The following ARHGAP35 variants were observed in gnomAD, a reference collection of about 807,000 sequenced individuals.
The protein encoded by ARHGAP35 is rho GTPase-activating protein 35.
In ARHGAP35, 15 loss-of-function variants were observed where a neutral mutation model predicts 111.1. That is an observed-to-expected ratio of 0.13 (90% confidence interval 0.09 to 0.21). The LOEUF (loss-of-function observed/expected upper bound fraction) is 0.21. ARHGAP35 is among the 10% of genes least tolerant of loss of function. The probability of loss-of-function intolerance (pLI) is 1.00; values close to 1 mark genes in which losing one functional copy is unlikely to be tolerated. For missense variants in ARHGAP35, 1,262 were observed against 1,873.0 expected (o/e 0.67, Z 6.02); for synonymous variants, 643 against 710.3 (o/e 0.91, Z 1.51).
chr19:46,889,181 C>T (rs187502818), intron 1 of ARHGAP35, among the ~76,000 whole-genome samples: 44 of 151,470 alleles, frequency 2.9e-4, no homozygotes, highest in African/African-American at 1.0e-3. Flanking sequence ...ATTAGCCAGG[C>T]ATGGCCAGGC....
chr19:46,965,142 G>A (rs1469906136), intron 3 of ARHGAP35, among the ~76,000 whole-genome samples: 1 of 152,034 alleles, frequency 6.6e-6, no homozygotes, highest in Non-Finnish European at 1.5e-5. Context: ...GTGAAACCCC[G>A]TCTCTACTAA....
chr19:46,911,113 A>G (rs1406985874), intron 1 of ARHGAP35, among the ~76,000 whole-genome samples: 5 of 152,220 alleles, frequency 3.3e-5, no homozygotes, highest in African/African-American at 7.2e-5. Context: ...ACCCTTTTCC[A>G]GTCAATCTGT....
At chr19:46,942,358 G>A (rs2056352312) in intron 3 of ARHGAP35, among the ~76,000 whole-genome samples, 1 of 152,138 alleles carries the variant, frequency 6.6e-6, no homozygotes, top group Non-Finnish European at 1.5e-5. Context: ...AAGAGGCCGG[G>A]TGCAGTGGCT....
At chr19:46,973,888 G>A (rs1036375216) in intron 3 of ARHGAP35, among the ~76,000 whole-genome samples, 1 of 151,708 alleles carries the variant, frequency 6.6e-6, no homozygotes, top group Non-Finnish European at 1.5e-5. Flanking sequence ...TGTATTCCCA[G>A]CTACTCAGGA....
chr19:46,870,828 C>A lies in ARHGAP35; in HGVS notation c.-189+9619C>A, dbSNP rs745889705. On this transcript the variant is annotated intron_variant, in intron 1 of 6. Transcript: ENST00000672722. ...TATATATTTTCTTGTGTGCAAATCC[C>A]CTTTTAAGTTTTTTCTTAAAAAAAA... is the stretch of plus-strand genomic sequence containing the variant. Among the ~76,000 whole-genome samples, 6 of 151,686 alleles carry A rather than the reference C, an allele frequency of 4.0e-5. 1 individual carries two copies. The highest frequency in any genetic ancestry group is 2.6e-4 in the Admixed American group (4 of 15,208).
intron 3 of ARHGAP35, among the ~76,000 whole-genome samples, chr19:46,982,528 AAGC>A (rs1018697235): frequency 2.0e-5 from 3 of 152,096 alleles, no homozygotes; most frequent in African/African-American, 7.2e-5. Context: ...TTCGTATAAA[AAGC>A]AGCAGTTTTC....
In ARHGAP35 at chr19:46,986,768, C is replaced by T. The variant is rs1349244480; in HGVS notation, c.3827-1221C>T. On this transcript the variant is annotated intron_variant, in intron 3 of 6. Transcript: ENST00000672722. This position sits in a 1 kb window ranked among gnomAD's most constrained non-coding sequence, Gnocchi z 4.3. Reference sequence around the variant, plus strand: ...TCACAAAGTAAGAAATACCTATTTCCAGTAATCTGTTAAGCTTTTACTAGT... The same window carrying T: ...TCACAAAGTAAGAAATACCTATTTCTAGTAATCTGTTAAGCTTTTACTAGT... 6.6e-6 allele frequency among the ~76,000 whole-genome samples: 1 copy of T among 152,178 alleles called. No homozygotes were observed. The highest frequency in any genetic ancestry group is 2.4e-5 in the African/African-American group (1 of 41,432).
In ARHGAP35 at chr19:47,000,674, G is replaced by A. The variant is rs1178793173; in HGVS notation, c.4486G>A (p.Glu1496Lys). The A allele has an allele frequency of 5.0e-6, 8 of 1,584,682 alleles. No individual in the cohort carries two copies. The highest frequency in any genetic ancestry group is 2.3e-5 in the South Asian group (2 of 86,320). The change falls in exon 7 of 7, where the codon GAA (glutamate) becomes AAA (lysine). Residue 1496 changes from glutamate (E) to lysine (K), a missense_variant. By Grantham distance (56) the Glu-to-Lys change is moderately conservative. Transcript: ENST00000672722. The surrounding 1 kb of genome is among the most constrained non-coding windows in gnomAD (Gnocchi z 6.9). ...QPLLPSQLQA[E>K]HTL ...ACTGCTTCCCTCCCAGCTTCAAGCCGAACACACGCTGTGAGCCACCAAGAC... is the reference window on the plus strand; with the variant it reads ...ACTGCTTCCCTCCCAGCTTCAAGCCAAACACACGCTGTGAGCCACCAAGAC...
rs992127016 is a variant in ARHGAP35, at chr19:46,989,773, G to A, written c.4036+98G>A. On this transcript the variant is annotated intron_variant, in intron 5 of 6. Coordinates refer to ENST00000672722, the MANE Select transcript of ARHGAP35 (RefSeq NM_004491.5). The surrounding 1 kb of genome is among the most constrained non-coding windows in gnomAD (Gnocchi z 5.3). ...CTCAGAATGGATGCTGGCTGTTAGA[G>A]CTGAGGTTTGAAGGACAGAGGGCAA... is the stretch of plus-strand genomic sequence containing the variant. 6 of 1,567,220 alleles carry A rather than the reference G, an allele frequency of 3.8e-6. No individual in the cohort carries two copies. The highest frequency in any genetic ancestry group is 2.3e-5 in the South Asian group (2 of 88,678).
chr19:46,952,497 A>G (rs961085177), intron 3 of ARHGAP35, among the ~76,000 whole-genome samples: 21 of 152,342 alleles, frequency 1.4e-4, no homozygotes, highest in African/African-American at 5.1e-4. Context: ...CAAATGTGCA[A>G]AGTATTTCCA....
At chr19:46,876,595 A>G (rs1599793993) in intron 1 of ARHGAP35, among the ~76,000 whole-genome samples, 1 of 151,292 alleles carries the variant, frequency 6.6e-6, no homozygotes, top group African/African-American at 2.4e-5. Context: ...CTGGTCTCGA[A>G]CTCCTGACCT....
intron 1 of ARHGAP35, among the ~76,000 whole-genome samples, chr19:46,861,780 G>A (rs957279596): frequency 6.6e-6 from 1 of 151,990 alleles, no homozygotes; most frequent in Non-Finnish European, 1.5e-5. Context: ...CTCAGAATCT[G>A]TTGCACCCTG....
At chr19:46,940,303 G>A (rs2056338940) in intron 3 of ARHGAP35, among the ~76,000 whole-genome samples, 1 of 150,522 alleles carries the variant, frequency 6.6e-6, no homozygotes, top group Non-Finnish European at 1.5e-5. Context: ...AGGTTGCGGT[G>A]AGCCAAGATC....
intron 3 of ARHGAP35, among the ~76,000 whole-genome samples, chr19:46,939,208 C>T (rs911496726): frequency 6.6e-6 from 1 of 151,900 alleles, no homozygotes; most frequent in African/African-American, 2.4e-5. Context: ...ATCCTAGCTT[C>T]AAATGATCCT....
intron 3 of ARHGAP35, among the ~76,000 whole-genome samples, chr19:46,938,515 A>G (rs1055230592): frequency 6.7e-6 from 1 of 150,146 alleles, no homozygotes; most frequent in African/African-American, 2.5e-5. Flanking sequence ...ATGACGCCCA[A>G]CTAATTTTTG....
In ARHGAP35 at chr19:46,991,428, C is replaced by T. The variant is rs146274656; in HGVS notation, c.4036+1753C>T. 1.1e-4 allele frequency among the ~76,000 whole-genome samples: 17 copies of T among 152,260 alleles called. No individual in the cohort carries two copies. In the South Asian group the frequency reaches 1.2e-3, roughly 11 times the overall value. ...ACCTTTTTGTGTAGGGTTGTGGGGCCGGCAGGAACGGGAGGTGCTATTGAT... is the reference window on the plus strand; with the variant it reads ...ACCTTTTTGTGTAGGGTTGTGGGGCTGGCAGGAACGGGAGGTGCTATTGAT... On this transcript the variant is annotated intron_variant, in intron 5 of 6. Transcript: ENST00000672722.
At position 47,001,638 on chromosome 19, in the gene ARHGAP35, G is replaced by C. The variant is rs143797889; in HGVS notation, c.*950G>C. 1 of 358,940 alleles carries C rather than the reference G, an allele frequency of 2.8e-6. No individual in the cohort carries two copies. The highest frequency in any genetic ancestry group is 7.4e-5 in the East Asian group (1 of 13,596). 22.2% of individuals were successfully genotyped at this position (358,940 alleles called of 1,614,324 possible). On this transcript the variant is annotated 3_prime_UTR_variant, in exon 7 of 7. Coordinates refer to ENST00000672722, the MANE Select transcript of ARHGAP35 (RefSeq NM_004491.5). This position sits in a 1 kb window ranked among gnomAD's most constrained non-coding sequence, Gnocchi z 5.4. ...AGAAGAGGGTTCGAGCCCTTGGTGG[G>C]GACAGCTGGGGAGATGGCAGTGCAG...
chr19:46,863,721 A>G (rs565455661), intron 1 of ARHGAP35, among the ~76,000 whole-genome samples: 1 of 151,986 alleles, frequency 6.6e-6, no homozygotes, highest in Admixed American at 6.6e-5. Context: ...AGCTGGGGAA[A>G]TGCCAGTTCT....
intron 1 of ARHGAP35, among the ~76,000 whole-genome samples, chr19:46,907,734 C>T (rs1298889702): frequency 1.3e-5 from 2 of 152,168 alleles, no homozygotes; most frequent in African/African-American, 2.4e-5. Flanking sequence ...GCCTCTGCCT[C>T]CCAAAGTGCT....
Sources: gnomAD v4.1 joint callset for allele counts (sites outside exome capture counted in the v4.1 genomes callset) on GRCh38, gnomAD v4.1.1 for gene constraint, Gnocchi (gnomAD v3.1) non-coding constraint, MANE v1.5 for transcripts, NCBI Gene and HGNC (gene_info 2026-07-23, HGNC 2026-07-21) for gene names.